The following SRGAP2C variants were observed in gnomAD, a reference collection of about 807,000 sequenced individuals.
SRGAP2C encodes the protein SLIT-ROBO Rho GTPase activating protein 2C.
Under a neutral mutation model 25.1 loss-of-function variants are expected in SRGAP2C, and 15 were observed. The ratio of observed to expected loss-of-function variants is 0.60; its 90% CI spans 0.40 to 0.92. The LOEUF is 0.92. Ranked by LOEUF, SRGAP2C falls within the 40% of genes least tolerant of loss-of-function variation. The pLI is 0.00. For missense variants in SRGAP2C, 144 were observed against 264.4 expected (o/e 0.54, Z 3.16); for synonymous variants, 44 against 96.6 (o/e 0.46, Z 3.19).
intron 2 of SRGAP2C, among the ~76,000 whole-genome samples, chr1:121,201,532 T>A (rs1164827171): frequency 6.6e-6 from 1 of 152,246 alleles, no homozygotes; most frequent in Non-Finnish European, 1.5e-5. Context: ...TTCTCTTGTG[T>A]TAAATCTCCT....
chr1:121,275,603 C>T (rs1438841923), intron 2 of SRGAP2C, among the ~76,000 whole-genome samples: 1 of 147,598 alleles, frequency 6.8e-6, no homozygotes, highest in Non-Finnish European at 1.5e-5. Context: ...TTTTGAGTCA[C>T]TTGAAAGAAC....
chr1:121,377,069 A>T (rs1659677376), intron 7 of SRGAP2C, among the ~76,000 whole-genome samples: 2 of 150,302 alleles, frequency 1.3e-5, no homozygotes, highest in East Asian at 2.0e-4. Context: ...TTTTAAAATC[A>T]GTCCAAGAAG....
At chr1:121,211,443 A>G (rs1308269541) in intron 2 of SRGAP2C, among the ~76,000 whole-genome samples, 16 of 144,574 alleles carry the variant, frequency 1.1e-4, no homozygotes, top group African/African-American at 3.5e-4. Context: ...ACACACACAC[A>G]CACACACACA....
chr1:121,309,392 T>A (rs1311455599), intron 3 of SRGAP2C, among the ~76,000 whole-genome samples: 26 of 144,054 alleles, frequency 1.8e-4, no homozygotes, highest in African/African-American at 6.2e-4. Flanking sequence ...TTCCATATAA[T>A]ATATCTAGCA....
chr1:121,314,500 C>T (rs1255912255), intron 3 of SRGAP2C, among the ~76,000 whole-genome samples: 28,775 of 152,100 alleles, frequency 0.19, 3,285 homozygotes, highest in Non-Finnish European at 0.26. Context: ...AGGAGAGGCG[C>T]TCTGCGTTTT....
chr1:121,365,021 C>A (rs1553349281), intron 4 of SRGAP2C, among the ~76,000 whole-genome samples: 1 of 65,188 alleles, frequency 1.5e-5, no homozygotes, highest in African/African-American at 5.7e-5. Flanking sequence ...GGCTTTCAGG[C>A]CTGCTCTTTG....
intron 3 of SRGAP2C, among the ~76,000 whole-genome samples, chr1:121,295,350 G>A (rs1657572345): frequency 1.3e-5 from 2 of 151,732 alleles, no homozygotes; most frequent in African/African-American, 4.8e-5. Context: ...GATTAACCTA[G>A]TGGTAGTTTG....
chr1:121,235,994 A>G (rs1570726783), intron 2 of SRGAP2C, among the ~76,000 whole-genome samples: 1 of 132,602 alleles, frequency 7.5e-6, no homozygotes, highest in African/African-American at 3.0e-5. Flanking sequence ...CAGGTTAATA[A>G]GTATCTCTTC....
chr1:121,226,008 C>T (rs1338220186), intron 2 of SRGAP2C, among the ~76,000 whole-genome samples: 1 of 151,720 alleles, frequency 6.6e-6, no homozygotes, highest in African/African-American at 2.4e-5. Flanking sequence ...CCCGGCAAAA[C>T]AGCATATCTT....
At chr1:121,270,818 A>T (rs1305362443) in intron 2 of SRGAP2C, among the ~76,000 whole-genome samples, 1 of 143,056 alleles carries the variant, frequency 7.0e-6, no homozygotes, top group Non-Finnish European at 1.5e-5. Context: ...TTTGAGACGG[A>T]GTCTCGCTCT....
chr1:121,202,217 A>G (rs1300577061), intron 2 of SRGAP2C, among the ~76,000 whole-genome samples: 1 of 152,054 alleles, frequency 6.6e-6, no homozygotes, highest in Admixed American at 6.5e-5. Context: ...CCCTCTATAC[A>G]GACATTTGCT....
intron 4 of SRGAP2C, among the ~76,000 whole-genome samples, chr1:121,351,663 G>A (rs1443362672): frequency 6.7e-6 from 1 of 150,116 alleles, no homozygotes; most frequent in African/African-American, 2.5e-5. Context: ...CCAAAAAGTG[G>A]AAGCATCCCA....
intron 2 of SRGAP2C, among the ~76,000 whole-genome samples, chr1:121,274,986 T>A (rs1207076261): frequency 6.6e-6 from 1 of 151,110 alleles, no homozygotes; most frequent in East Asian, 1.9e-4. Context: ...CCTCTTTGAC[T>A]TTGCTTTGCT....
chr1:121,257,263 G>C (rs868955727), intron 2 of SRGAP2C, among the ~76,000 whole-genome samples: 1 of 144,286 alleles, frequency 6.9e-6, no homozygotes, highest in Non-Finnish European at 1.5e-5. Context: ...CTACAGGCAC[G>C]CATCGCCATG....
At chr1:121,236,643 G>C (rs1655967225) in intron 2 of SRGAP2C, among the ~76,000 whole-genome samples, 1 of 152,048 alleles carries the variant, frequency 6.6e-6, no homozygotes, top group Non-Finnish European at 1.5e-5. Flanking sequence ...GGGTTCTAAA[G>C]AATCCAGTTC....
At chr1:121,308,601 C>A (rs1297259045) in intron 3 of SRGAP2C, among the ~76,000 whole-genome samples, 10 of 151,366 alleles carry the variant, frequency 6.6e-5, no homozygotes, top group African/African-American at 2.4e-4. Flanking sequence ...TGGTCATGCC[C>A]CTGTACTCCA....
At chr1:121,279,127 G>A (rs1248391939) in intron 2 of SRGAP2C, among the ~76,000 whole-genome samples, 1 of 148,088 alleles carries the variant, frequency 6.8e-6, no homozygotes, top group East Asian at 2.0e-4. Context: ...AACAGAGCCT[G>A]TGGGAGATGC....
intron 3 of SRGAP2C, among the ~76,000 whole-genome samples, chr1:121,288,623 G>T (rs1657426043): frequency 1.3e-5 from 1 of 76,684 alleles, no homozygotes; most frequent in Non-Finnish European, 2.6e-5. Flanking sequence ...TACAAACCTT[G>T]AGCTAAACAC....
rs1171608302 is a variant in SRGAP2C, at chr1:121,273,917, G to C, written c.68-10886G>C. Among the ~76,000 whole-genome samples the C allele has an allele frequency of 2.0e-5, 3 of 151,756 alleles. No individual in the cohort carries two copies. In the East Asian group the frequency reaches 5.8e-4, roughly 29 times the overall value. ...GAAGGCAATGCACTGTCAGGCTGGT[G>C]CATCAACAACATATGAAGGCCCAGG... On this transcript the variant is annotated intron_variant, in intron 2 of 9. Coordinates refer to ENST00000367123, the MANE Select transcript of SRGAP2C (RefSeq NM_001329984.2).
Sources: allele counts gnomAD v4.1 joint callset (sites outside exome capture counted in the v4.1 genomes callset), GRCh38; gene constraint gnomAD v4.1.1; transcripts MANE v1.5; gene names NCBI Gene and HGNC (gene_info 2026-07-23, HGNC 2026-07-21).